The following FGF13 variants were observed in gnomAD, a reference collection of about 807,000 sequenced individuals.
The protein encoded by FGF13 is fibroblast growth factor homologous factor 2.
A neutral mutation model predicts 19.5 loss-of-function variants in FGF13; 2 were observed. The observed-to-expected ratio is 0.10, with a 90% CI of 0.04 to 0.32. The LOEUF (loss-of-function observed/expected upper bound fraction) is 0.32, where lower values mean the gene tolerates loss of function less well. Ranked by LOEUF, FGF13 falls within the 10% of genes least tolerant of loss-of-function variation. FGF13 has a pLI of 1.00. For synonymous variants in FGF13, 72 were observed against 76.9 expected (o/e 0.94, Z 0.33); for missense variants, 113 against 192.7 (o/e 0.59, Z 2.45).
intron 1 of FGF13, among the ~76,000 whole-genome samples, chrX:138,987,040 G>A (rs1166875688): frequency 1.8e-5 from 2 of 111,920 alleles, no homozygotes. Context: ...GTAAATGTAT[G>A]AATCATTCTG....
chrX:139,125,379 T>C (rs2083708095), intron 1 of FGF13, among the ~76,000 whole-genome samples: 1 of 112,296 alleles, frequency 8.9e-6, no homozygotes, highest in South Asian at 3.7e-4. Flanking sequence ...ATGGATGTTG[T>C]AGTGTTCCAC....
rs745359063 is a variant in FGF13 at position 138,694,986 on chromosome X, AACACACACACACAC to A, written c.402+7984_402+7997del. On this transcript the variant is annotated intron_variant, in intron 3 of 4. Coordinates refer to ENST00000315930, the MANE Select transcript of FGF13 (RefSeq NM_004114.5). ...TCCCAGTGGATTATTTACTAGTTGA[AACACACACACACAC>A]ACACACACACACACACACACACACA... is the stretch of plus-strand genomic sequence containing the variant. 9.5e-3 allele frequency among the ~76,000 whole-genome samples: 806 copies of A among 84,755 alleles called. 9 individuals carry two copies. Among genetic ancestry groups the A allele is most frequent in the African/African-American group, 0.033 (753 of 22,609 alleles). The allele number at this position is 84,755 out of a possible 115,157, so 73.6% of individuals were successfully genotyped here. A position where few individuals can be genotyped will look rare whatever the true frequency, so the allele number is the denominator to read the frequency against.
rs772349976 is a variant in FGF13, at chrX:138,708,861, C to T, written c.255G>A (p.Ala85=). ...SRQGYHLQLQ[A]DGTIDGTKDE... is the part of the protein sequence containing the mutation. ...CTTTGGTGCCATCAATGGTTCCATC[C>T]GCCTGCAGCTGCAAGTGGTAGCCTT... Residue 85 remains alanine, a synonymous_variant, in exon 2 of 5, where the codon GCG becomes GCA. Coordinates refer to ENST00000315930, the MANE Select transcript of FGF13 (RefSeq NM_004114.5). The T allele has an allele frequency of 9.9e-6, 12 of 1,208,849 alleles. No individual in the cohort carries two copies. The highest frequency in any genetic ancestry group is 6.5e-5 in the Admixed American group (3 of 45,822).
At chrX:139,071,908 C>T (rs1465296631) in intron 1 of FGF13, among the ~76,000 whole-genome samples, 1 of 94,447 alleles carries the variant, frequency 1.1e-5, no homozygotes, top group Non-Finnish European at 2.0e-5. Flanking sequence ...CTCAGCTACT[C>T]GGGAGGCTGA....
chrX:138,782,524 C>A (rs1426748237), intron 3 of FGF13, among the ~76,000 whole-genome samples: 1 of 109,185 alleles, frequency 9.2e-6, no homozygotes, highest in Non-Finnish European at 1.9e-5. Flanking sequence ...CAACAACAGA[C>A]AAACAGAGAG....
At chrX:138,901,984 G>A (rs751400162) in intron 1 of FGF13, among the ~76,000 whole-genome samples, 6 of 112,348 alleles carry the variant, frequency 5.3e-5, no homozygotes, top group Non-Finnish European at 9.4e-5. Context: ...ACAATAATTT[G>A]GTATGTAGTA....
Position 138,945,294 on chromosome X carries a change from A to T in FGF13, c.-112-80644T>A, listed in dbSNP as rs901564404. ...TATCCCCTTGTGGTGCAAAGTTCTA[A>T]GTCCTAAACGCATGGGAAATCATTA... On this transcript the variant is annotated intron_variant, in intron 1 of 2. Coordinates refer to the FGF13 transcript ENST00000421460. Among the ~76,000 whole-genome samples, 4 of 111,375 alleles carry T rather than the reference A, an allele frequency of 3.6e-5. No homozygotes were observed. In the Admixed American group the frequency reaches 3.8e-4, roughly 11 times the overall value.
intron 3 of FGF13, among the ~76,000 whole-genome samples, chrX:138,770,599 A>G (rs1002066517): frequency 3.6e-5 from 4 of 111,129 alleles, no homozygotes; most frequent in Non-Finnish European, 5.7e-5. Flanking sequence ...CACACCTACT[A>G]TCGTGGCACG....
intron 1 of FGF13, among the ~76,000 whole-genome samples, chrX:138,879,591 G>A (rs1304266637): frequency 9.0e-6 from 1 of 111,436 alleles, no homozygotes; most frequent in Non-Finnish European, 1.9e-5. Context: ...CACGTGCCAT[G>A]GTGGTTTGCT....
intron 3 of FGF13, chrX:138,667,850 TG>T (rs1459350686): frequency 1.1e-5 from 3 of 285,048 alleles, no homozygotes; most frequent in African/African-American, 8.3e-5. Flanking sequence ...ATGTGGGAAA[TG>T]GATGGCTCGT....
intron 3 of FGF13, among the ~76,000 whole-genome samples, chrX:138,752,624 A>G (rs974077081): frequency 8.9e-6 from 1 of 111,848 alleles, no homozygotes; most frequent in Non-Finnish European, 1.9e-5. Flanking sequence ...CAGAAAGTTT[A>G]TAGATGGCTA....
intron 3 of FGF13, among the ~76,000 whole-genome samples, chrX:138,798,798 G>C (rs113207682): frequency 0.036 from 4,081 of 111,888 alleles, 83 homozygotes; most frequent in Non-Finnish European, 0.056. Flanking sequence ...TCTTGGGAGG[G>C]TGTATGTGTC....
chrX:139,061,612 T>C (rs1268086332), intron 1 of FGF13, among the ~76,000 whole-genome samples: 1 of 111,478 alleles, frequency 9.0e-6, no homozygotes, highest in Non-Finnish European at 1.9e-5. Flanking sequence ...AAACTTATTT[T>C]TTTTTAAAAT....
intron 3 of FGF13, among the ~76,000 whole-genome samples, chrX:138,645,849 T>G (rs1258753807): frequency 1.8e-5 from 2 of 112,115 alleles, no homozygotes; most frequent in African/African-American, 6.5e-5. Context: ...GCTTAAAATA[T>G]TCTAAGAATC....
intron 3 of FGF13, among the ~76,000 whole-genome samples, chrX:138,778,820 T>C (rs1252801582): frequency 2.7e-5 from 3 of 112,316 alleles, no homozygotes; most frequent in Non-Finnish European, 3.8e-5. Flanking sequence ...CCACCACAGC[T>C]CAAGGAGGCC....
intron 2 of FGF13, among the ~76,000 whole-genome samples, chrX:138,707,333 T>C (rs1182293504): frequency 9.0e-6 from 1 of 111,311 alleles, no homozygotes; most frequent in African/African-American, 3.3e-5. Flanking sequence ...TTCTCTGATT[T>C]GTACCCGGAG....
At position 139,033,027 on chromosome X, in the gene FGF13, C is replaced by CAAAAAAAAA. The variant is rs758766077; in HGVS notation, c.-112-168386_-112-168378dup. On this transcript the variant is annotated intron_variant, in intron 1 of 2. Coordinates refer to the FGF13 transcript ENST00000421460. ...ACCAAAGTCAGAATATCTGATTATC[C>CAAAAAAAAA]AAAAAAAAAAAAAAAAAAAAAAAAA... Among the ~76,000 whole-genome samples the CAAAAAAAAA allele has an allele frequency of 7.3e-4, 20 of 27,273 alleles. 1 individual carries two copies. Among genetic ancestry groups the CAAAAAAAAA allele is most frequent in the African/African-American group, 2.1e-3 (16 of 7,568 alleles). 23.7% of individuals were successfully genotyped at this position (27,273 alleles called of 115,157 possible).
intron 1 of FGF13, among the ~76,000 whole-genome samples, chrX:139,008,724 C>A (rs1321036461): frequency 8.9e-6 from 1 of 111,868 alleles, no homozygotes; most frequent in Non-Finnish European, 1.9e-5. Flanking sequence ...CCAGATCTTC[C>A]CCTGACATAG....
intron 1 of FGF13, among the ~76,000 whole-genome samples, chrX:139,127,977 C>T (rs1208112181): frequency 9.0e-6 from 1 of 110,911 alleles, no homozygotes. Context: ...TCTCTTTCCA[C>T]TTCTGATGTT....
Sources: gnomAD v4.1 joint callset for allele counts (sites outside exome capture counted in the v4.1 genomes callset) on GRCh38, gnomAD v4.1.1 for gene constraint, MANE v1.5 for transcripts, NCBI Gene and HGNC (gene_info 2026-07-23, HGNC 2026-07-21) for gene names.